The following QRFPR variants were observed in gnomAD, a reference collection of about 807,000 sequenced individuals.
QRFPR encodes pyroglutamylated RF-amide peptide receptor.
QRFPR carries 37 observed loss-of-function variants against 31.3 expected under a neutral mutation model. The observed-to-expected ratio is 1.18, with a 90% CI of 0.91 to 1.56. The LOEUF is 1.56. Among genes scored for constraint, QRFPR ranks in the 40% most tolerant of loss-of-function variants. The pLI, the probability that QRFPR is intolerant of heterozygous loss-of-function variation, is 0.00. For synonymous variants in QRFPR, 197 were observed against 192.0 expected (o/e 1.03, Z -0.22); for missense variants, 542 against 532.5 (o/e 1.02, Z -0.18).
At chr4:121,345,116 T>C (rs1305053219) in intron 1 of QRFPR, among the ~76,000 whole-genome samples, 2 of 152,220 alleles carry the variant, frequency 1.3e-5, no homozygotes, top group Admixed American at 6.5e-5. Context: ...TTTTAGAATA[T>C]TAACTCTTCC....
At chr4:121,352,348 T>C (rs1725776514) in intron 1 of QRFPR, among the ~76,000 whole-genome samples, 1 of 152,232 alleles carries the variant, frequency 6.6e-6, no homozygotes, top group Admixed American at 6.5e-5. Context: ...TGCTTTGTAC[T>C]TATGATTGTC....
intron 1 of QRFPR, among the ~76,000 whole-genome samples, chr4:121,359,696 T>C (rs1725945854): frequency 6.6e-6 from 1 of 151,542 alleles, no homozygotes; most frequent in Non-Finnish European, 1.5e-5. Flanking sequence ...TGTGTATATA[T>C]GTGTGTATGT....
intron 4 of QRFPR, among the ~76,000 whole-genome samples, chr4:121,331,810 G>A (rs574510233): frequency 1.3e-5 from 2 of 151,790 alleles, no homozygotes; most frequent in African/African-American, 4.8e-5. Context: ...CCACGACCAC[G>A]CCTGGCTAAT....
chr4:121,340,829 T>C (rs1579572563), intron 1 of QRFPR, among the ~76,000 whole-genome samples: 1 of 152,318 alleles, frequency 6.6e-6, no homozygotes, highest in South Asian at 2.1e-4. Context: ...TGCAATTATG[T>C]ATAATAAGAC....
intron 3 of QRFPR, 61 bp downstream of exon 3, chr4:121,336,746 C>T: frequency 7.5e-7 from 1 of 1,328,138 alleles, no homozygotes; most frequent in South Asian, 1.2e-5. Flanking sequence ...AAAATAATTA[C>T]AATTAAGAGG....
rs371496685 is a variant in QRFPR, at chr4:121,380,383, G to T, written c.265C>A (p.Leu89Ile). Residue 89 changes from leucine to isoleucine, a missense_variant, in exon 1 of 6, where the codon CTC (leucine) becomes ATC (isoleucine). Leu to Ile is a conservative substitution (Grantham distance 5). Transcript: ENST00000394427. ...VTNIFICSLA[L>I]SDLLITFFCI... ...AAGAAGGTGATGAGCAGGTCACTGA[G>T]CGCCAAGGAGCAGATAAAGATGTTG... 6.2e-7 allele frequency: 1 copy of T among 1,614,228 alleles called. No individual in the cohort carries two copies. Among genetic ancestry groups the T allele is most frequent in the Admixed American group, 1.7e-5 (1 of 60,036 alleles).
chr4:121,331,642 T>TTATTAC (rs1245927624), intron 4 of QRFPR, among the ~76,000 whole-genome samples: 1 of 147,338 alleles, frequency 6.8e-6, no homozygotes, highest in Non-Finnish European at 1.5e-5. Flanking sequence ...ATTATTATTA[T>TTATTAC]TATTATTATT....
At chr4:121,330,347 A>G in intron 5 of QRFPR, 79 bp downstream of exon 5, 1 of 977,918 alleles carries the variant, frequency 1.0e-6, no homozygotes, top group Admixed American at 1.9e-5. Context: ...GTGAACAGCG[A>G]CACATTTCAA....
chr4:121,350,498 C>G (rs1343960950), intron 1 of QRFPR, among the ~76,000 whole-genome samples: 1 of 152,190 alleles, frequency 6.6e-6, no homozygotes, highest in African/African-American at 2.4e-5. Context: ...TTTTCAATCT[C>G]TTTTCAAAAC....
chr4:121,365,516 ATTATATATATTATATAT>A (rs1560743441), intron 1 of QRFPR, among the ~76,000 whole-genome samples: 369 of 28,610 alleles, frequency 0.013, 40 homozygotes, highest in African/African-American at 0.03. Context: ...TATAATATAT[ATTATATATATTATATAT>A]AATATATATT....
chr4:121,347,032 C>T (rs1016658844), intron 1 of QRFPR, among the ~76,000 whole-genome samples: 7 of 152,070 alleles, frequency 4.6e-5, no homozygotes, highest in Non-Finnish European at 1.0e-4. Context: ...GTAATGAAGG[C>T]CTCATAAAGT....
At chr4:121,375,246 T>G (rs898427657) in intron 1 of QRFPR, among the ~76,000 whole-genome samples, 2 of 152,146 alleles carry the variant, frequency 1.3e-5, no homozygotes, top group African/African-American at 4.8e-5. Flanking sequence ...AACTTTGGAC[T>G]CAAACCCATC....
chr4:121,339,972 G>A (rs1174501705), intron 2 of QRFPR, among the ~76,000 whole-genome samples: 1 of 151,516 alleles, frequency 6.6e-6, no homozygotes, highest in Non-Finnish European at 1.5e-5. Context: ...AAAAAAAATC[G>A]ACCTGCCCTT....
chr4:121,362,681 CTA>C lies in QRFPR; in HGVS notation c.340+17625_340+17626del, dbSNP rs561971731. ...TCAGCAATCACATAAATATAATAAA[CTA>C]ATCTTTGACAAAGGAGCAAGACAAG... is the stretch of plus-strand genomic sequence containing the variant. On this transcript the variant is annotated intron_variant, in intron 1 of 5. Transcript: ENST00000394427. Among the ~76,000 whole-genome samples, 96 of 149,998 alleles carry C rather than the reference CTA, an allele frequency of 6.4e-4. 3 individuals are homozygous for C. Among genetic ancestry groups the C allele is most frequent in the Non-Finnish European group, 1.3e-3 (89 of 67,536 alleles).
At chr4:121,349,284 A>G (rs1290187036) in intron 1 of QRFPR, among the ~76,000 whole-genome samples, 1 of 151,956 alleles carries the variant, frequency 6.6e-6, no homozygotes, top group Non-Finnish European at 1.5e-5. Context: ...GGCAACTCTC[A>G]GTCCTTTACC....
chr4:121,378,407 C>CTTTT (rs34846492), intron 1 of QRFPR, among the ~76,000 whole-genome samples: 4 of 100,918 alleles, frequency 4.0e-5, no homozygotes, highest in African/African-American at 8.5e-5. Context: ...GCTCACTGCA[C>CTTTT]TTTTTTTTTT....
intron 1 of QRFPR, among the ~76,000 whole-genome samples, chr4:121,341,077 A>G (rs916487266): frequency 1.2e-4 from 18 of 152,178 alleles, no homozygotes; most frequent in African/African-American, 4.3e-4. Flanking sequence ...CCTGCCTAAG[A>G]CTTTATATAT....
intron 1 of QRFPR, among the ~76,000 whole-genome samples, chr4:121,373,533 T>G (rs1726293633): frequency 6.6e-6 from 1 of 152,260 alleles, no homozygotes; most frequent in Non-Finnish European, 1.5e-5. Context: ...GCTTTTATCA[T>G]TTCTGTTGAC....
intron 5 of QRFPR, 67 bp from the exon 6 acceptor site, chr4:121,329,781 T>G: frequency 8.7e-7 from 1 of 1,149,518 alleles, no homozygotes; most frequent in South Asian, 1.8e-5. Context: ...CTTCTGTTTG[T>G]CACCTGTCAA....
Sources: allele counts gnomAD v4.1 joint callset (sites outside exome capture counted in the v4.1 genomes callset), GRCh38; gene constraint gnomAD v4.1.1; transcripts MANE v1.5; gene names NCBI Gene and HGNC (gene_info 2026-07-23, HGNC 2026-07-21).